CSMD1: variants seen among roughly 807,000 people sequenced by gnomAD.
CSMD1 encodes the protein CUB and sushi domain-containing protein 1.
In CSMD1, 213 loss-of-function variants were observed where a neutral mutation model predicts 417.5. That is an observed-to-expected ratio of 0.51 (90% CI 0.46 to 0.57). The LOEUF is 0.57. CSMD1 is among the 20% of genes least tolerant of loss of function. The probability of loss-of-function intolerance (pLI) is 0.00; values close to 1 mark genes in which losing one functional copy is unlikely to be tolerated. For missense variants in CSMD1, 6,923 were observed against 4,529.7 expected (o/e 1.53, Z -15.17); for synonymous variants, 2,862 against 1,736.8 (o/e 1.65, Z -16.11).
rs181646612 is a variant in CSMD1 at position 4,602,123 on chromosome 8, T to A, written c.302+35219A>T. ...TTGAGATAAGAGCCTCAGGAAAATC[T>A]TTCTGCTCCCCCAGTTCCCTAAGGT... On this transcript the variant is annotated intron_variant, in intron 2 of 69. Transcript: ENST00000635120. Among the ~76,000 whole-genome samples, 12 of 152,334 alleles carry A rather than the reference T, an allele frequency of 7.9e-5. No homozygotes were observed. The East Asian group carries it at 1.5e-3, about 20-fold the overall frequency.
At chr8:4,111,133 G>C (rs1175571946) in intron 3 of CSMD1, among the ~76,000 whole-genome samples, 3 of 152,038 alleles carry the variant, frequency 2.0e-5, no homozygotes, top group African/African-American at 7.2e-5. Flanking sequence ...GCTCTGGTTT[G>C]GTTCGTACAC....
rs76384450 is a variant in CSMD1, at chr8:3,386,107, C to T, written c.2782+1387G>A. Among the ~76,000 whole-genome samples the T allele has an allele frequency of 5.5e-3, 835 of 152,216 alleles. 8 individuals carry two copies. The highest frequency in any genetic ancestry group is 0.019 in the African/African-American group (797 of 41,528). ...GTCTAAATTACCTTGGTGCTTACACCATATTCCCTAGACAAATGGAGTTGA... is the reference window on the plus strand; with the variant it reads ...GTCTAAATTACCTTGGTGCTTACACTATATTCCCTAGACAAATGGAGTTGA... On this transcript the variant is annotated intron_variant, in intron 18 of 69. Coordinates refer to ENST00000635120, the MANE Select transcript of CSMD1 (RefSeq NM_033225.6).
intron 8 of CSMD1, among the ~76,000 whole-genome samples, chr8:3,587,925 T>G (rs2117008932): frequency 6.6e-6 from 1 of 152,256 alleles, no homozygotes; most frequent in East Asian, 1.9e-4. Flanking sequence ...TGTACTAATT[T>G]GAAATGTGAA....
At chr8:4,570,864 G>C (rs984807896) in intron 2 of CSMD1, among the ~76,000 whole-genome samples, 4 of 152,122 alleles carry the variant, frequency 2.6e-5, no homozygotes, top group African/African-American at 4.8e-5. Context: ...TCCTGGTTTA[G>C]TCTTGGGAGA....
chr8:3,635,775 G>T (rs1231937040), intron 7 of CSMD1, among the ~76,000 whole-genome samples: 2 of 119,934 alleles, frequency 1.7e-5, no homozygotes, highest in Non-Finnish European at 3.2e-5. Context: ...GAACCTCTGC[G>T]CCCAGCTGCT....
chr8:4,164,958 C>T (rs1021667477), intron 3 of CSMD1, among the ~76,000 whole-genome samples: 2 of 151,976 alleles, frequency 1.3e-5, no homozygotes, highest in African/African-American at 4.8e-5. Flanking sequence ...TCTGTTTCAA[C>T]TGAGCAGTAG....
At chr8:3,892,421 A>C (rs1807038329) in intron 5 of CSMD1, among the ~76,000 whole-genome samples, 1 of 152,108 alleles carries the variant, frequency 6.6e-6, no homozygotes, top group Non-Finnish European at 1.5e-5. Context: ...AACTTCCCCA[A>C]AGCTTGTGAA....
At chr8:4,751,150 C>T (rs1055346371) in intron 1 of CSMD1, among the ~76,000 whole-genome samples, 5 of 152,130 alleles carry the variant, frequency 3.3e-5, no homozygotes, top group African/African-American at 9.7e-5. Flanking sequence ...TTTGGGAGGC[C>T]GAGGTGGGTG....
At chr8:4,235,726 C>T (rs1235175229) in intron 3 of CSMD1, among the ~76,000 whole-genome samples, 1 of 152,180 alleles carries the variant, frequency 6.6e-6, no homozygotes, top group African/African-American at 2.4e-5. Flanking sequence ...TGTAAGTTCT[C>T]ACATGCAAGT....
chr8:3,658,824 T>G (rs1798262117), intron 7 of CSMD1, among the ~76,000 whole-genome samples: 2 of 152,172 alleles, frequency 1.3e-5, no homozygotes, highest in Admixed American at 6.6e-5. Context: ...CAATTTTGTT[T>G]GAATTATGGT....
intron 3 of CSMD1, among the ~76,000 whole-genome samples, chr8:4,109,833 G>C (rs1029925366): frequency 4.6e-5 from 7 of 152,114 alleles, no homozygotes; most frequent in Admixed American, 2.0e-4. Flanking sequence ...ACTTAAAACA[G>C]AGTAAGATAA....
At chr8:3,733,872 T>C (rs1275240931) in intron 6 of CSMD1, among the ~76,000 whole-genome samples, 1 of 152,180 alleles carries the variant, frequency 6.6e-6, no homozygotes, top group Non-Finnish European at 1.5e-5. Flanking sequence ...AATTAAACTT[T>C]ATCATGGGTA....
In CSMD1 at chr8:3,709,218, A is replaced by G. The variant is rs557528054; in HGVS notation, c.932-727T>C. 1.2e-3 allele frequency among the ~76,000 whole-genome samples: 178 copies of G among 151,228 alleles called. 1 individual carries two copies. The highest frequency in any genetic ancestry group is 4.2e-3 in the African/African-American group (172 of 41,190). Reference sequence around the variant, plus strand: ...TGCATCTTGTGATTATAGAATATAAAATGTTATGATCTTCTAAGCTATCCC... The same window carrying G: ...TGCATCTTGTGATTATAGAATATAAGATGTTATGATCTTCTAAGCTATCCC... On this transcript the variant is annotated intron_variant, in intron 6 of 69. Transcript: ENST00000635120.
intron 3 of CSMD1, among the ~76,000 whole-genome samples, chr8:4,155,469 T>C (rs1432591436): frequency 6.6e-6 from 1 of 152,222 alleles, no homozygotes; most frequent in Non-Finnish European, 1.5e-5. Flanking sequence ...GGTAAGTATG[T>C]GTTTCCTTCT....
At chr8:3,723,012 T>G (rs1802276460) in intron 6 of CSMD1, among the ~76,000 whole-genome samples, 1 of 152,204 alleles carries the variant, frequency 6.6e-6, no homozygotes, top group Non-Finnish European at 1.5e-5. Context: ...GAAGCTCAGC[T>G]GGGCCCTCTG....
intron 3 of CSMD1, among the ~76,000 whole-genome samples, chr8:4,391,475 G>C (rs538435012): frequency 6.6e-6 from 1 of 152,186 alleles, no homozygotes; most frequent in South Asian, 2.1e-4. Context: ...TATGAACATA[G>C]AACTCTGACC....
rs187062969 is a variant in CSMD1 at position 4,452,807 on chromosome 8, C to T, written c.303-32742G>A. On this transcript the variant is annotated intron_variant, in intron 2 of 69. Transcript: ENST00000635120. ...AGTTTATTGGATTAATAACAAAAAT[C>T]CCCCAGTCCTCAATATCAGGTGAAA... Among the ~76,000 whole-genome samples the T allele has an allele frequency of 4.0e-3, 601 of 152,090 alleles. 8 individuals are homozygous for T. Among genetic ancestry groups the T allele is most frequent in the Middle Eastern group, 6.8e-3 (2 of 294 alleles).
rs117574140 is a variant in CSMD1 at position 3,258,413 on chromosome 8, C to T, written c.4153+25731G>A. ...ATGAGATACCATCTCACACCAGTTA[C>T]AATGGCTATTACTGAAAAACCGAGA... On this transcript the variant is annotated intron_variant, in intron 26 of 69. Transcript: ENST00000635120. 0.011 allele frequency among the ~76,000 whole-genome samples: 1,623 copies of T among 152,238 alleles called. 113 individuals carry two copies. In the East Asian group the frequency reaches 0.21, roughly 19 times the overall value.
At chr8:3,876,387 CT>C (rs1438006276) in intron 5 of CSMD1, among the ~76,000 whole-genome samples, 1 of 152,188 alleles carries the variant, frequency 6.6e-6, no homozygotes, top group Non-Finnish European at 1.5e-5. Flanking sequence ...ACTCAATAAA[CT>C]TTCCTGTATT....
Sources: allele counts gnomAD v4.1 joint callset (sites outside exome capture counted in the v4.1 genomes callset), GRCh38; gene constraint gnomAD v4.1.1; transcripts MANE v1.5; gene names NCBI Gene and HGNC (gene_info 2026-07-23, HGNC 2026-07-21).